ARMC3: variants seen among roughly 807,000 people sequenced by gnomAD.
ARMC3 encodes the protein armadillo repeat containing 3.
A neutral mutation model predicts 90.3 loss-of-function variants in ARMC3; 74 were observed. The observed-to-expected ratio is 0.82, with a 90% CI of 0.68 to 0.99. ARMC3 has a LOEUF of 0.99. Among genes scored for constraint, ARMC3 ranks in the 50% least tolerant of loss-of-function variants. ARMC3 has a pLI of 0.00. For missense variants in ARMC3, 958 were observed against 1,042.8 expected, an observed-to-expected ratio of 0.92 and a Z score of 1.12; for synonymous variants, 334 against 361.8, an observed-to-expected ratio of 0.92 and a Z score of 0.87.
chr10:23,009,344 C>T (rs139715876), intron 16 of ARMC3, among the ~76,000 whole-genome samples: 331 of 152,328 alleles, frequency 2.2e-3, no homozygotes, highest in Non-Finnish European at 3.4e-3. Context: ...CTCTCTCCTC[C>T]CGCCCCACTT....
At chr10:22,989,167 C>A (rs1480370260) in intron 10 of ARMC3, among the ~76,000 whole-genome samples, 1 of 152,154 alleles carries the variant, frequency 6.6e-6, no homozygotes, top group African/African-American at 2.4e-5. Context: ...GAACACTCTC[C>A]AGTGTATCTA....
At chr10:23,006,621 G>A (rs1269077324) in intron 13 of ARMC3, 1 of 382,662 alleles carries the variant, frequency 2.6e-6, no homozygotes, top group African/African-American at 2.1e-5. Context: ...ACTTCCAGGG[G>A]CCAAGATGAT....
intron 3 of ARMC3, 42 bp downstream of exon 3, chr10:22,946,303 C>T (rs1834524749): frequency 7.2e-7 from 1 of 1,388,498 alleles, no homozygotes; most frequent in Admixed American, 1.8e-5. Flanking sequence ...TCATTAATTT[C>T]TTAAAATATT....
At chr10:23,021,852 T>C (rs1238131247) in intron 16 of ARMC3, among the ~76,000 whole-genome samples, 1 of 152,188 alleles carries the variant, frequency 6.6e-6, no homozygotes, top group African/African-American at 2.4e-5. Flanking sequence ...GAGCATTCTT[T>C]GTCTTATATA....
At chr10:23,006,495 T>C (rs1837619943) in intron 13 of ARMC3, among the ~76,000 whole-genome samples, 1 of 152,252 alleles carries the variant, frequency 6.6e-6, no homozygotes, top group Non-Finnish European at 1.5e-5. Flanking sequence ...CAGGGCTTTG[T>C]CTAGCCTACT....
chr10:23,001,166 T>G (rs1588899756), intron 11 of ARMC3, among the ~76,000 whole-genome samples: 1 of 152,148 alleles, frequency 6.6e-6, no homozygotes, highest in African/African-American at 2.4e-5. Context: ...CTGGCATCGG[T>G]TCATCCAGCC....
In ARMC3 at chr10:23,008,924, G is replaced by C. The variant is rs768472499; in HGVS notation, c.2038G>C (p.Gly680Arg). ...VLSKSATKEKGWRKSKGKKEE... is the reference protein window; with the variant it reads ...VLSKSATKEKRWRKSKGKKEE... ...CAGCAAAAGCGCCACCAAAGAAAAA[G>C]GATGGAGGTAAGAAAGTGTCCTGAG... Residue 680 changes from glycine (G) to arginine (R), a missense_variant, in exon 16 of 19, where the codon GGA becomes CGA. By Grantham distance (125) the Gly-to-Arg change is moderately radical. Transcript: ENST00000298032. 5 of 1,612,936 alleles carry C rather than the reference G, an allele frequency of 3.1e-6. No homozygotes were observed. Among genetic ancestry groups the C allele is most frequent in the East Asian group, 2.2e-5 (1 of 44,830 alleles).
In ARMC3 at chr10:22,943,420, T is replaced by C. The variant is rs556825549; in HGVS notation, c.49-2724T>C. Reference sequence around the variant, plus strand: ...GGCAGTGTGGAACTTTGGTTACTTATTGGTAGCGTATCTATTAAATACACA... The same window carrying C: ...GGCAGTGTGGAACTTTGGTTACTTACTGGTAGCGTATCTATTAAATACACA... On this transcript the variant is annotated intron_variant, in intron 2 of 18. Transcript: ENST00000298032. Among the ~76,000 whole-genome samples, 5 of 152,324 alleles carry C rather than the reference T, an allele frequency of 3.3e-5. No homozygotes were observed. The South Asian group carries it at 6.2e-4, about 19-fold the overall frequency.
chr10:23,016,861 C>G (rs984246915), intron 16 of ARMC3, among the ~76,000 whole-genome samples: 1 of 152,154 alleles, frequency 6.6e-6, no homozygotes, highest in Admixed American at 6.5e-5. Context: ...ACACTCCTGC[C>G]TCTGTTTTGT....
At chr10:23,032,439 T>A (rs12269212) in intron 17 of ARMC3, among the ~76,000 whole-genome samples, 5,452 of 152,304 alleles carry the variant, frequency 0.036, 336 homozygotes, top group African/African-American at 0.12. Context: ...GTTTGTCTTG[T>A]CTCTGAGTTT....
At chr10:22,963,624 G>A (rs1835297761) in intron 7 of ARMC3, among the ~76,000 whole-genome samples, 1 of 151,934 alleles carries the variant, frequency 6.6e-6, no homozygotes, top group South Asian at 2.1e-4. Flanking sequence ...AGGCACGGTG[G>A]CTCACACCTG....
intron 2 of ARMC3, among the ~76,000 whole-genome samples, chr10:22,945,563 C>A (rs1588824801): frequency 6.6e-6 from 1 of 152,092 alleles, no homozygotes; most frequent in South Asian, 2.1e-4. Flanking sequence ...GTTATATGCT[C>A]TTTTCTACTG....
intron 14 of ARMC3, among the ~76,000 whole-genome samples, chr10:23,007,591 G>A (rs1837683877): frequency 1.3e-5 from 2 of 151,862 alleles, no homozygotes; most frequent in South Asian, 2.1e-4. Context: ...CAGCTACTCA[G>A]GAGGCTGAGG....
chr10:22,972,138 T>C (rs1328922151), intron 8 of ARMC3, among the ~76,000 whole-genome samples: 1 of 152,212 alleles, frequency 6.6e-6, no homozygotes, highest in Non-Finnish European at 1.5e-5. Context: ...TTCTGTGGTT[T>C]GCCTTTTTAC....
At chr10:22,990,200 C>T (rs1418650292) in intron 10 of ARMC3, among the ~76,000 whole-genome samples, 1 of 151,870 alleles carries the variant, frequency 6.6e-6, no homozygotes, top group Non-Finnish European at 1.5e-5. Flanking sequence ...CATACTTAAA[C>T]CTATATAAGG....
Position 23,037,416 on chromosome 10 carries a change from G to T in ARMC3, c.2556G>T (p.Met852Ile), listed in dbSNP as rs1382007556. The change falls in exon 19 of 19, where the codon ATG (methionine) becomes ATT (isoleucine). Residue 852 changes from methionine (M) to isoleucine (I), a missense_variant. Transcript: ENST00000298032. Reference protein sequence around the residue: ...PAPEMYVIDLMFHPGGLMKLR... With the variant: ...PAPEMYVIDLIFHPGGLMKLR... ...CTGAGATGTACGTGATTGACCTCATGTTCCATCCAGGTGGACTGATGAAGT... is the reference window on the plus strand; with the variant it reads ...CTGAGATGTACGTGATTGACCTCATTTTCCATCCAGGTGGACTGATGAAGT... 6.2e-7 allele frequency: 1 copy of T among 1,614,096 alleles called. No individual in the cohort carries two copies. The highest frequency in any genetic ancestry group is 8.5e-7 in the Non-Finnish European group (1 of 1,179,960).
intron 10 of ARMC3, among the ~76,000 whole-genome samples, chr10:22,991,824 A>G (rs1836726089): frequency 6.6e-6 from 1 of 152,210 alleles, no homozygotes; most frequent in Non-Finnish European, 1.5e-5. Context: ...GCACTAGAGC[A>G]TTCAGCATCC....
intron 10 of ARMC3, among the ~76,000 whole-genome samples, chr10:22,986,185 C>G (rs972789083): frequency 6.7e-6 from 1 of 148,262 alleles, no homozygotes; most frequent in African/African-American, 2.5e-5. Context: ...TTCACTGATG[C>G]ATCCCAAGCA....
chr10:22,955,503 A>G, intron 3 of ARMC3: 1 of 219,242 alleles, frequency 4.6e-6, no homozygotes, highest in Non-Finnish European at 9.1e-6. Flanking sequence ...CAGGATAAAG[A>G]GGGGTAAGAC....
Sources: gnomAD v4.1 joint callset for allele counts (sites outside exome capture counted in the v4.1 genomes callset) on GRCh38, gnomAD v4.1.1 for gene constraint, MANE v1.5 for transcripts, NCBI Gene and HGNC (gene_info 2026-07-23, HGNC 2026-07-21) for gene names.